The following ROGDI variants were observed in gnomAD, a reference collection of about 807,000 sequenced individuals.
ROGDI encodes the protein rogdi atypical leucine zipper, also known as protein rogdi homolog.
In ROGDI, 46 loss-of-function variants were observed where a neutral mutation model predicts 43.1. The observed-to-expected ratio is 1.07, with a 90% CI of 0.84 to 1.37. The LOEUF (loss-of-function observed/expected upper bound fraction) is 1.37. ROGDI is among the 40% of genes most tolerant of loss of function. The probability of loss-of-function intolerance (pLI) is 0.00; values close to 1 mark genes in which losing one functional copy is unlikely to be tolerated. For synonymous variants in ROGDI, 243 were observed against 162.0 expected (o/e 1.50, Z -3.80); for missense variants, 518 against 383.9 (o/e 1.35, Z -2.92).
At chr16:4,802,248 G>T (rs969293049) in intron 2 of ROGDI, 134 bp downstream of exon 2, 5 of 807,458 alleles carry the variant, frequency 6.2e-6, no homozygotes, top group Non-Finnish European at 1.0e-5. Context: ...GTTCGCGGAG[G>T]CGGGGCCCTG....
At position 4,800,485 on chromosome 16, in the gene ROGDI, G is replaced by C. The variant is rs1389050989; in HGVS notation, c.336+13C>G. On this transcript the variant is annotated intron_variant, in intron 5 of 10. Transcript: ENST00000322048. Reference sequence around the variant, plus strand: ...CCTTGTGGCTGAGCACTAGCCAGGAGGGGCGGGGTCACCTGCTGCAGCTTC... The same window carrying C: ...CCTTGTGGCTGAGCACTAGCCAGGACGGGCGGGGTCACCTGCTGCAGCTTC... 1.2e-5 allele frequency: 18 copies of C among 1,551,656 alleles called. No homozygotes were observed. The highest frequency in any genetic ancestry group is 1.4e-5 in the Non-Finnish European group (16 of 1,146,564).
At position 4,802,492 on chromosome 16, in the gene ROGDI, CCCCGCCGG is replaced by C. The variant is rs899318871; in HGVS notation, c.45+27_45+34del. 1.1e-5 allele frequency: 13 copies of C among 1,210,734 alleles called. No individual in the cohort carries two copies. The African/African-American group carries it at 1.7e-4, about 16-fold the overall frequency. The allele number at this position is 1,210,734 out of a possible 1,614,324, so 75.0% of individuals were successfully genotyped here. A position where few individuals can be genotyped will look rare whatever the true frequency, so the allele number is the denominator to read the frequency against. On this transcript the variant is annotated intron_variant, in intron 1 of 10. Transcript: ENST00000322048. Reference sequence around the variant, plus strand: ...CCGGCGGTCGCGCCCGGCCCCGCCGCCCCGCCGGCCCGCCCGCTGGCCCGCGCGCCTTA... The same window carrying C: ...CCGGCGGTCGCGCCCGGCCCCGCCGCCCCGCCCGCTGGCCCGCGCGCCTTA...
chr16:4,801,419 G>A (rs1225958662), intron 3 of ROGDI, 84 bp downstream of exon 3: 3 of 1,556,176 alleles, frequency 1.9e-6, no homozygotes, highest in African/African-American at 1.3e-5. Flanking sequence ...CGCACAACCA[G>A]CTGGTCTGCA....
At chr16:4,802,002 G>C (rs1251842526) in intron 2 of ROGDI, 10 of 579,476 alleles carry the variant, frequency 1.7e-5, no homozygotes, top group Admixed American at 1.3e-4. Context: ...CGCGAAGCGG[G>C]TACTGTTATC....
chr16:4,800,436 C>T (rs2082700782), intron 5 of ROGDI, 62 bp downstream of exon 5: 32 of 1,365,934 alleles, frequency 2.3e-5, no homozygotes, highest in Admixed American at 2.0e-4. Context: ...AGGGAGGCCC[C>T]GCGGCAGGCC....
chr16:4,801,612 C>T, intron 2 of ROGDI, 27 bp from the exon 3 acceptor site: 1 of 1,565,926 alleles, frequency 6.4e-7, no homozygotes, highest in Non-Finnish European at 8.7e-7. Context: ...AGGAGGGGAG[C>T]TGGTAGCGCC....
At chr16:4,798,285 C>T in intron 7 of ROGDI, 101 bp from the exon 8 acceptor site, 1 of 985,066 alleles carries the variant, frequency 1.0e-6, no homozygotes, top group South Asian at 1.4e-5. Flanking sequence ...GGATCCCAGT[C>T]CCCACCCCAG....
At position 4,799,589 on chromosome 16, in the gene ROGDI, A is replaced by G. The variant is rs1248167598; in HGVS notation, c.432+97T>C. 3 of 849,876 alleles carry G rather than the reference A, an allele frequency of 3.5e-6. No homozygotes were observed. The African/African-American group carries it at 5.1e-5, about 14-fold the overall frequency. 52.6% of individuals were successfully genotyped at this position (849,876 alleles called of 1,614,324 possible). A position where few individuals can be genotyped will look rare whatever the true frequency, so the allele number is the denominator to read the frequency against. ...CGGCAGGTAAGTGCTTACAGGTTGC[A>G]CAGCTCAACGTGGAGGCCCTGGGAT... On this transcript the variant is annotated intron_variant, in intron 6 of 10. Transcript: ENST00000322048.
Position 4,798,496 on chromosome 16 carries a change from G to A in ROGDI, c.531+73C>T, listed in dbSNP as rs948032631. ...TAATCTGGGAGTGGCACCCCTCCGC[G>A]TCCATCCTGAGGGCAAGCTGGGACC... On this transcript the variant is annotated intron_variant, in intron 7 of 10. Coordinates refer to ENST00000322048, the MANE Select transcript of ROGDI (RefSeq NM_024589.3). 5.0e-6 allele frequency: 6 copies of A among 1,211,034 alleles called. No homozygotes were observed. The African/African-American group carries it at 6.1e-5, about 12-fold the overall frequency. The allele number at this position is 1,211,034 out of a possible 1,614,324, so 75.0% of individuals were successfully genotyped here.
At chr16:4,800,004 C>G (rs1237679978) in intron 5 of ROGDI, among the ~76,000 whole-genome samples, 1 of 152,138 alleles carries the variant, frequency 6.6e-6, no homozygotes, top group South Asian at 2.1e-4. Context: ...GATGGACACA[C>G]AGTAATGCCC....
At chr16:4,802,489 C>T in intron 1 of ROGDI, 36 bp from the exon 2 acceptor site, 5 of 1,214,574 alleles carry the variant, frequency 4.1e-6, no homozygotes, top group Non-Finnish European at 5.1e-6. Flanking sequence ...CCCGGCCCCG[C>T]CGCCCCGCCG....
chr16:4,797,801 G>A lies in ROGDI; in HGVS notation c.735C>T (p.His245=), dbSNP rs772613853. Reference sequence around the variant, plus strand: ...GCCAGGGGATCACGCACTCCACTTTGTGCACGTGGCTCACCTCCAGGCGCT... The same window carrying A: ...GCCAGGGGATCACGCACTCCACTTTATGCACGTGGCTCACCTCCAGGCGCT... ...GSQRLEVSHV[H]KVECVIPWLN... is the part of the protein sequence containing the mutation. The change falls in exon 10 of 11, where the codon CAC becomes CAT. Residue 245 remains histidine (H), a synonymous_variant. Coordinates refer to ENST00000322048, the MANE Select transcript of ROGDI (RefSeq NM_024589.3). 12 of 1,613,166 alleles carry A rather than the reference G, an allele frequency of 7.4e-6. No individual in the cohort carries two copies. The African/African-American group carries it at 1.1e-4, about 14-fold the overall frequency.
intron 3 of ROGDI, 23 bp from the exon 4 acceptor site, chr16:4,801,344 G>T: frequency 6.3e-7 from 1 of 1,595,900 alleles, no homozygotes; most frequent in Non-Finnish European, 8.6e-7. Flanking sequence ...GCGTCAGAGC[G>T]GTGCCTGTGG....
intron 2 of ROGDI, 155 bp downstream of exon 2, chr16:4,802,227 G>T: frequency 1.4e-6 from 1 of 711,444 alleles, no homozygotes. Flanking sequence ...TATATAATGA[G>T]GTCGGCTCGA....
intron 2 of ROGDI, chr16:4,802,029 G>A (rs1205804242): frequency 1.7e-6 from 1 of 583,706 alleles, no homozygotes; most frequent in African/African-American, 1.8e-5. Context: ...TTGCCAATGA[G>A]AAAAGGGAGG....
intron 2 of ROGDI, chr16:4,802,018 T>G: frequency 1.7e-6 from 1 of 576,076 alleles, no homozygotes; most frequent in Non-Finnish European, 3.3e-6. Flanking sequence ...TTATCTCCCT[T>G]TTGCCAATGA....
At chr16:4,798,508 G>A in intron 7 of ROGDI, 61 bp downstream of exon 7, 2 of 1,332,474 alleles carry the variant, frequency 1.5e-6, no homozygotes, top group Non-Finnish European at 1.0e-6. Context: ...CCATCCTGAG[G>A]GCAAGCTGGG....
rs2141906632 is a variant in ROGDI at position 4,798,182 on chromosome 16, C to T, written c.534G>A (p.Arg178=). The change falls in exon 8 of 11, where the codon CGG becomes CGA. Residue 178 remains arginine (R), a splice_region_variant and synonymous_variant. Transcript: ENST00000322048. ...LPEIAASGLT[R]MFAPALPSDL... ...CGGACGGCAGGGCAGGGGCGAACATCCGCTGCGGGAGGCAGGTGGGATGAG... is the reference window on the plus strand; with the variant it reads ...CGGACGGCAGGGCAGGGGCGAACATTCGCTGCGGGAGGCAGGTGGGATGAG... 1 of 1,612,966 alleles carries T rather than the reference C, an allele frequency of 6.2e-7. No individual in the cohort carries two copies. Among genetic ancestry groups the T allele is most frequent in the Non-Finnish European group, 8.5e-7 (1 of 1,179,508 alleles).
At chr16:4,800,950 G>A in intron 4 of ROGDI, 1 of 507,814 alleles carries the variant, frequency 2.0e-6, no homozygotes. Flanking sequence ...ACAGAGTCGG[G>A]TGCAGACTGG....
Sources: allele counts gnomAD v4.1 joint callset (sites outside exome capture counted in the v4.1 genomes callset), GRCh38; gene constraint gnomAD v4.1.1; transcripts MANE v1.5; gene names NCBI Gene and HGNC (gene_info 2026-07-23, HGNC 2026-07-21).